The following SLC25A27 variants were observed in gnomAD, a reference collection of about 807,000 sequenced individuals.
The protein encoded by SLC25A27 is solute carrier family 25 member 27.
SLC25A27 carries 35 observed loss-of-function variants against 49.1 expected under a neutral mutation model. The observed-to-expected ratio is 0.71, with a 90% CI of 0.54 to 0.95. The LOEUF is 0.95. Ranked by LOEUF, SLC25A27 falls within the 40% of genes least tolerant of loss-of-function variation. The pLI, the probability that SLC25A27 is intolerant of heterozygous loss-of-function variation, is 0.00. For synonymous variants in SLC25A27, 144 were observed against 136.9 expected (o/e 1.05, Z -0.36); for missense variants, 339 against 397.1 (o/e 0.85, Z 1.24).
chr6:46,656,055 T>G, intron 2 of SLC25A27, 21 bp downstream of exon 2: 1 of 1,585,284 alleles, frequency 6.3e-7, no homozygotes, highest in Non-Finnish European at 8.6e-7. Flanking sequence ...TGATTCTAGC[T>G]GGTAAGTTTG....
intron 1 of SLC25A27, chr6:46,653,688 T>G: frequency 1.0e-6 from 1 of 985,406 alleles, no homozygotes; most frequent in South Asian, 4.7e-5. Context: ...AGCCACACTG[T>G]CATTATCTTG....
intron 4 of SLC25A27, among the ~76,000 whole-genome samples, chr6:46,662,874 T>C (rs1025128402): frequency 6.6e-6 from 1 of 152,204 alleles, no homozygotes; most frequent in Non-Finnish European, 1.5e-5. Flanking sequence ...TGGGTTTTCA[T>C]CTTTATAAAC....
chr6:46,662,436 T>A lies in SLC25A27; in HGVS notation c.444T>A (p.Thr148=). Residue 148 remains threonine, a synonymous_variant, in exon 4 of 9, where the codon ACT becomes ACA. Transcript: ENST00000371347. ...TTGGCCAGTTTTTAGCCAATCCAAC[T>A]GACCTAGTGAAGGTTCAGATGCAAA... The part of the protein sequence containing the change: ...GVIGQFLANP[T]DLVKVQMQME... 1 of 1,613,932 alleles carries A rather than the reference T, an allele frequency of 6.2e-7. No individual in the cohort carries two copies.
chr6:46,656,002 A>T lies in SLC25A27; in HGVS notation c.266A>T (p.Gln89Leu). The T allele has an allele frequency of 6.2e-7, 1 of 1,611,656 alleles. No individual in the cohort carries two copies. The highest frequency in any genetic ancestry group is 8.5e-7 in the Non-Finnish European group (1 of 1,179,154). ...IEEEGFLKLWQGVTPAIYRHV... is the reference protein window; with the variant it reads ...IEEEGFLKLWLGVTPAIYRHV... ...GAGGAAGGCTTTCTAAAGCTTTGGC[A>T]AGGAGTGACACCCGCCATTTACAGA... The change falls in exon 2 of 9, where the codon CAA (glutamine) becomes CTA (leucine). Residue 89 changes from glutamine to leucine, a missense_variant. Physicochemically the swap from Gln to Leu is moderately radical, Grantham distance 113. Coordinates refer to ENST00000371347, the MANE Select transcript of SLC25A27 (RefSeq NM_004277.5).
chr6:46,669,150 C>T (rs1215339260), intron 6 of SLC25A27, among the ~76,000 whole-genome samples: 2 of 152,138 alleles, frequency 1.3e-5, no homozygotes, highest in Non-Finnish European at 2.9e-5. Context: ...GGGGTAAACT[C>T]AATTCCTACC....
chr6:46,666,730 A>G (rs1763338051), intron 5 of SLC25A27, among the ~76,000 whole-genome samples: 2 of 152,026 alleles, frequency 1.3e-5, no homozygotes, highest in African/African-American at 4.8e-5. Context: ...TATCACACCA[A>G]TTCTTTCTTA....
At chr6:46,666,532 G>A (rs1350146718) in intron 5 of SLC25A27, among the ~76,000 whole-genome samples, 2 of 152,132 alleles carry the variant, frequency 1.3e-5, no homozygotes, top group Non-Finnish European at 1.5e-5. Context: ...ATTAGAGTCT[G>A]TCTGTGTCTA....
At position 46,659,277 on chromosome 6, in the gene SLC25A27, A is replaced by G. The variant is rs3778484; in HGVS notation, c.383+231A>G. On this transcript the variant is annotated intron_variant, in intron 3 of 8. Transcript: ENST00000371347. The stretch of plus-strand genomic sequence containing the variant: ...ATATTTAGTATTTTACTGTTGAAAG[A>G]ATTCTTATAGAGTACCTTTTTATTC... 5.3e-4 allele frequency among the ~76,000 whole-genome samples: 81 copies of G among 152,318 alleles called. No homozygotes were observed. The East Asian group carries it at 6.7e-3, about 13-fold the overall frequency.
chr6:46,675,006 C>T (rs186498402), intron 8 of SLC25A27, among the ~76,000 whole-genome samples: 16 of 152,282 alleles, frequency 1.1e-4, no homozygotes, highest in Admixed American at 3.9e-4. Context: ...GCTGTATCAG[C>T]GAGAAAATCA....
chr6:46,657,994 T>A (rs1763041807), intron 2 of SLC25A27, among the ~76,000 whole-genome samples: 1 of 152,318 alleles, frequency 6.6e-6, no homozygotes, highest in African/African-American at 2.4e-5. Flanking sequence ...TTTTATAGCT[T>A]GTGTACAGGA....
intron 1 of SLC25A27, 48 bp from the exon 2 acceptor site, chr6:46,655,795 G>C (rs749768981): frequency 1.0e-5 from 16 of 1,536,448 alleles, no homozygotes; most frequent in Non-Finnish European, 1.2e-5. Flanking sequence ...ATTTTTGTTT[G>C]TTTCTCTGAA....
At position 46,653,271 on chromosome 6, in the gene SLC25A27, G is replaced by A; in HGVS notation, c.79G>A (p.Gly27Ser). The change falls in exon 1 of 9, where the codon GGC becomes AGC. Residue 27 changes from glycine (G) to serine (S), a missense_variant. By Grantham distance (56) the Gly-to-Ser change is moderately conservative (BLOSUM62 0). Coordinates refer to ENST00000371347, the MANE Select transcript of SLC25A27 (RefSeq NM_004277.5). ...CCGAGCGAGCAAATTCCTACTGTCC[G>A]GCTGCGCGGCTACCGTGGCCGAGCT... The part of the protein sequence containing the change: ...WPRASKFLLS[G>S]CAATVAELAT... 2 of 1,613,126 alleles carry A rather than the reference G, an allele frequency of 1.2e-6. No homozygotes were observed. The highest frequency in any genetic ancestry group is 1.7e-6 in the Non-Finnish European group (2 of 1,179,620).
Position 46,671,128 on chromosome 6 carries a change from G to A in SLC25A27, c.800G>A (p.Gly267Glu), listed in dbSNP as rs1196436598. 1.1e-5 allele frequency: 18 copies of A among 1,584,646 alleles called. No individual in the cohort carries two copies. The highest frequency in any genetic ancestry group is 1.5e-5 in the Non-Finnish European group (18 of 1,164,974). ...MNQPRDKQGR[G>E]LLYKSSTDCL... ...AAAGGATCTTGTTTCCTTTTTAGGGGACTTTTGTATAAATCATCGACTGAC... is the reference window on the plus strand; with the variant it reads ...AAAGGATCTTGTTTCCTTTTTAGGGAACTTTTGTATAAATCATCGACTGAC... Residue 267 changes from glycine (G) to glutamate (E), a missense_variant and splice_region_variant, in exon 8 of 9, where the codon GGA (glycine) becomes GAA (glutamate). Gly to Glu is a moderately conservative substitution (Grantham distance 98). Transcript: ENST00000371347.
intron 1 of SLC25A27, 62 bp downstream of exon 1, chr6:46,653,360 T>A (rs8427): frequency 0.49 from 745,326 of 1,529,970 alleles, 183,243 homozygotes; most frequent in Admixed American, 0.63. Flanking sequence ...TGGGGGAGGG[T>A]GCGCGGGCGG....
At chr6:46,656,875 A>T (rs182754383) in intron 2 of SLC25A27, among the ~76,000 whole-genome samples, 1 of 152,350 alleles carries the variant, frequency 6.6e-6, no homozygotes, top group East Asian at 1.9e-4. Flanking sequence ...AGCAAAAAAC[A>T]ATGAAGCAAG....
At chr6:46,667,204 A>G (rs1763354343) in intron 5 of SLC25A27, among the ~76,000 whole-genome samples, 1 of 151,986 alleles carries the variant, frequency 6.6e-6, no homozygotes, top group Admixed American at 6.6e-5. Context: ...AAAACCTTGC[A>G]GTTGTTTTTG....
chr6:46,671,781 A>C (rs1333840324), intron 8 of SLC25A27, among the ~76,000 whole-genome samples: 2 of 152,018 alleles, frequency 1.3e-5, no homozygotes, highest in African/African-American at 4.8e-5. Flanking sequence ...TAGCAAATAA[A>C]ATATAGAATT....
chr6:46,673,265 C>T (rs2150658962), intron 8 of SLC25A27, among the ~76,000 whole-genome samples: 1 of 152,288 alleles, frequency 6.6e-6, no homozygotes, highest in East Asian at 1.9e-4. Flanking sequence ...CGTTGAATTT[C>T]CCCAACAATC....
rs577104158 is a variant in SLC25A27 at position 46,675,294 on chromosome 6, T to C, written c.901-1089T>C. 1.3e-3 allele frequency among the ~76,000 whole-genome samples: 201 copies of C among 152,296 alleles called. 2 individuals are homozygous for C. Among genetic ancestry groups the C allele is most frequent in the Non-Finnish European group, 2.3e-3 (155 of 68,010 alleles). On this transcript the variant is annotated intron_variant, in intron 8 of 8. Transcript: ENST00000371347. ...TGATTACCACAGCAATTAAGAATGATTGCATAGGGGTTCTTAACTAAGACC... is the reference window on the plus strand; with the variant it reads ...TGATTACCACAGCAATTAAGAATGACTGCATAGGGGTTCTTAACTAAGACC...
Sources: allele counts gnomAD v4.1 joint callset (sites outside exome capture counted in the v4.1 genomes callset), GRCh38; gene constraint gnomAD v4.1.1; transcripts MANE v1.5; gene names NCBI Gene and HGNC (gene_info 2026-07-23, HGNC 2026-07-21).